TMEM141: variants seen among roughly 807,000 people sequenced by gnomAD.
TMEM141 encodes the protein transmembrane protein 141.
A neutral mutation model predicts 15.9 loss-of-function variants in TMEM141; 18 were observed. The observed-to-expected ratio is 1.13, with a 90% CI of 0.78 to 1.68. TMEM141 has a LOEUF of 1.68. Among genes scored for constraint, TMEM141 ranks in the 40% most tolerant of loss-of-function variants. The pLI is 0.00. For missense variants in TMEM141, 161 were observed against 139.5 expected (o/e 1.15, Z -0.78); for synonymous variants, 69 against 54.0 (o/e 1.28, Z -1.22).
In TMEM141 at chr9:136,791,766, CCTT is replaced by C. The variant is rs1226683280; in HGVS notation, c.112_114del (p.Phe38del). ...CACGCCTTCATGAAGGGCGTTTTCACCTTCGTCACAGGTAGGCTGCGTCCAGGT... is the reference window on the plus strand; with the variant it reads ...CACGCCTTCATGAAGGGCGTTTTCACCGTCACAGGTAGGCTGCGTCCAGGT... On this transcript the variant is annotated inframe_deletion, in exon 2 of 5. Coordinates refer to ENST00000290079, the MANE Select transcript of TMEM141 (RefSeq NM_032928.4). The C allele has an allele frequency of 1.2e-6, 2 of 1,613,584 alleles. No homozygotes were observed. Among genetic ancestry groups the C allele is most frequent in the Non-Finnish European group, 1.7e-6 (2 of 1,179,916 alleles).
At position 136,793,066 on chromosome 9, in the gene TMEM141, T is replaced by G; in HGVS notation, c.*234T>G. On this transcript the variant is annotated 3_prime_UTR_variant, in exon 5 of 5. Transcript: ENST00000290079. ...TCTCCCTGGGGTGGTGTTTCTCCTC[T>G]AGGGTATTGGGATGCATGTTCTGCA... The G allele has an allele frequency of 2.6e-6, 1 of 386,276 alleles. No homozygotes were observed. The allele number at this position is 386,276 out of a possible 1,614,324, so 23.9% of individuals were successfully genotyped here. A position where few individuals can be genotyped will look rare whatever the true frequency, so the allele number is the denominator to read the frequency against.
At chr9:136,792,442 T>C (rs2131120726) in intron 4 of TMEM141, 84 bp downstream of exon 4, 4 of 1,130,292 alleles carry the variant, frequency 3.5e-6, no homozygotes, top group Admixed American at 4.1e-5. Flanking sequence ...GGGTGCACCA[T>C]GCGATAGGCT....
chr9:136,792,820 T>C lies in TMEM141; in HGVS notation c.315T>C (p.Asp105=). Residue 105 remains aspartate (D), a splice_region_variant and synonymous_variant, in exon 5 of 5, where the codon GAT becomes GAC. Transcript: ENST00000290079. ...CTTGTCTCTCTTTGCCTTTTACAGA[T>C]CAGAGAAGCTAGGAGAGCTCCAGCA... ...TGQLPKDRST[D]QRS 1.3e-6 allele frequency: 2 copies of C among 1,568,688 alleles called. No individual in the cohort carries two copies. The highest frequency in any genetic ancestry group is 1.7e-6 in the Non-Finnish European group (2 of 1,156,252).
At chr9:136,792,786 T>A in intron 4 of TMEM141, 33 bp from the exon 5 acceptor site, 5 of 1,512,758 alleles carry the variant, frequency 3.3e-6, no homozygotes, top group Non-Finnish European at 4.5e-6. Flanking sequence ...ACGATGGATG[T>A]GGTTCGAGCT....
rs981590015 is a variant in TMEM141 at position 136,791,374 on chromosome 9, G to C, written c.4G>C (p.Val2Leu). Reference sequence around the variant, plus strand: ...CGCTCCCCGAGCCCTGCCAACCATGGTGAACTTGGGTCTGTCCCGGGTGGA... The same window carrying C: ...CGCTCCCCGAGCCCTGCCAACCATGCTGAACTTGGGTCTGTCCCGGGTGGA... The part of the protein sequence containing the change: M[V>L]NLGLSRVDDA... The change falls in exon 1 of 5, where the codon GTG becomes CTG. Residue 2 changes from valine (V) to leucine (L), a missense_variant. Val to Leu is a conservative substitution (Grantham distance 32). Transcript: ENST00000290079. The C allele has an allele frequency of 7.0e-6, 11 of 1,561,246 alleles. No homozygotes were observed. The highest frequency in any genetic ancestry group is 9.5e-6 in the Non-Finnish European group (11 of 1,153,130).
rs1284709536 is a variant in TMEM141 at position 136,793,089 on chromosome 9, G to A, written c.*257G>A. ...TCTAGGGTATTGGGATGCATGTTCT[G>A]CACTGCCAGCAGAGAGGGTGTGTCT... On this transcript the variant is annotated 3_prime_UTR_variant, in exon 5 of 5. Transcript: ENST00000290079. The A allele has an allele frequency of 1.6e-5, 5 of 317,102 alleles. No homozygotes were observed. Among genetic ancestry groups the A allele is most frequent in the Non-Finnish European group, 2.8e-5 (5 of 177,024 alleles). 19.6% of individuals were successfully genotyped at this position (317,102 alleles called of 1,614,324 possible). A position where few individuals can be genotyped will look rare whatever the true frequency, so the allele number is the denominator to read the frequency against.
chr9:136,792,355 A>G lies in TMEM141; in HGVS notation c.310A>G (p.Thr104Ala), dbSNP rs1218279183. 28 of 1,570,702 alleles carry G rather than the reference A, an allele frequency of 1.8e-5. No individual in the cohort carries two copies. The highest frequency in any genetic ancestry group is 2.2e-5 in the Non-Finnish European group (25 of 1,157,368). ...CGGGCAGCTCCCCAAAGACAGGAGCACAGGTGAGAGAGCCTGGGGGTTAGC... is the reference window on the plus strand; with the variant it reads ...CGGGCAGCTCCCCAAAGACAGGAGCGCAGGTGAGAGAGCCTGGGGGTTAGC... ...ETGQLPKDRS[T>A]DQRS Residue 104 changes from threonine (T) to alanine (A), a missense_variant, in exon 4 of 5, where the codon ACA becomes GCA. Coordinates refer to ENST00000290079, the MANE Select transcript of TMEM141 (RefSeq NM_032928.4).
rs544077032 is a variant in TMEM141, at chr9:136,791,869, C to G, written c.122-78C>G. 5.0e-6 allele frequency: 8 copies of G among 1,609,790 alleles called. No homozygotes were observed. In the African/African-American group the frequency reaches 1.1e-4, roughly 21 times the overall value. ...AGCAGGGGGCGCCAAGTCACCTGCC[C>G]GCAGGTGCTGGGGGCCTGGCAAGGT... On this transcript the variant is annotated intron_variant, in intron 2 of 4. Coordinates refer to ENST00000290079, the MANE Select transcript of TMEM141 (RefSeq NM_032928.4).
chr9:136,792,956 G>T lies in TMEM141; in HGVS notation c.*124G>T, dbSNP rs549450647. 1.7e-5 allele frequency: 22 copies of T among 1,275,556 alleles called. No individual in the cohort carries two copies. The highest frequency in any genetic ancestry group is 2.2e-5 in the Non-Finnish European group (22 of 994,224). 79.0% of individuals were successfully genotyped at this position (1,275,556 alleles called of 1,614,324 possible). The stretch of plus-strand genomic sequence containing the variant: ...GGTACCCCAGTCGTATCCTCTGTCC[G>T]CATGTGTGGCCAGGCCTGACAAACA... On this transcript the variant is annotated 3_prime_UTR_variant, in exon 5 of 5. Coordinates refer to ENST00000290079, the MANE Select transcript of TMEM141 (RefSeq NM_032928.4).
rs369915178 is a variant in TMEM141, at chr9:136,793,095, C to A, written c.*263C>A. 6 of 305,668 alleles carry A rather than the reference C, an allele frequency of 2.0e-5. No individual in the cohort carries two copies. The East Asian group carries it at 3.2e-4, about 16-fold the overall frequency. 18.9% of individuals were successfully genotyped at this position (305,668 alleles called of 1,614,324 possible). ...GTATTGGGATGCATGTTCTGCACTG[C>A]CAGCAGAGAGGGTGTGTCTGGGGGC... On this transcript the variant is annotated 3_prime_UTR_variant, in exon 5 of 5. Transcript: ENST00000290079.
rs1209436745 is a variant in TMEM141, at chr9:136,792,914, C to G, written c.*82C>G. 2.1e-6 allele frequency: 3 copies of G among 1,426,710 alleles called. No homozygotes were observed. The East Asian group carries it at 7.7e-5, about 37-fold the overall frequency. 88.4% of individuals were successfully genotyped at this position (1,426,710 alleles called of 1,614,324 possible). ...TTCATGCCCCCTGACCCCAGGCCGA[C>G]CCTCCCCACACCCTAGGGTACCCCA... On this transcript the variant is annotated 3_prime_UTR_variant, in exon 5 of 5. Transcript: ENST00000290079.
Position 136,791,734 on chromosome 9 carries a change from C to G in TMEM141, c.78C>G (p.Cys26Trp), listed in dbSNP as rs146663293. The G allele has an allele frequency of 5.0e-6, 8 of 1,613,464 alleles. No homozygotes were observed. Among genetic ancestry groups the G allele is most frequent in the Non-Finnish European group, 5.9e-6 (7 of 1,179,940 alleles). The change falls in exon 2 of 5, where the codon TGC becomes TGG. Residue 26 changes from cysteine (C) to tryptophan (W), a missense_variant. Cys to Trp is a radical substitution (Grantham distance 215). Coordinates refer to ENST00000290079, the MANE Select transcript of TMEM141 (RefSeq NM_032928.4). Reference sequence around the variant, plus strand: ...AGGGACTCGGGGAGTATGCCGCATGCCAGTCACACGCCTTCATGAAGGGCG... The same window carrying G: ...AGGGACTCGGGGAGTATGCCGCATGGCAGTCACACGCCTTCATGAAGGGCG... ...KHPGLGEYAA[C>W]QSHAFMKGVF...
At chr9:136,791,552 G>C in intron 1 of TMEM141, 128 bp downstream of exon 1, 1 of 1,558,248 alleles carries the variant, frequency 6.4e-7, no homozygotes, top group Non-Finnish European at 8.7e-7. Context: ...CTCTTGCTAA[G>C]GGGCTCAGGG....
At position 136,792,314 on chromosome 9, in the gene TMEM141, G is replaced by A; in HGVS notation, c.269G>A (p.Trp90Ter). ...GAGTCGGAGAAATGCAACAACCTCT[G>A]GCTCTTCCTGGAGACCGGGCAGCTC... ...RVESEKCNNL[W>*]LFLETGQLPK... Residue 90 changes from tryptophan (W) to a stop codon, truncating the protein, a stop_gained, in exon 4 of 5, where the codon TGG becomes TAG. Coordinates refer to ENST00000290079, the MANE Select transcript of TMEM141 (RefSeq NM_032928.4). LOFTEE classifies it high-confidence loss of function. The A allele has an allele frequency of 1.3e-6, 2 of 1,587,960 alleles. No homozygotes were observed. Among genetic ancestry groups the A allele is most frequent in the Non-Finnish European group, 8.6e-7 (1 of 1,166,760 alleles).
rs534874139 is a variant in TMEM141, at chr9:136,793,127, C to T, written c.*295C>T. On this transcript the variant is annotated 3_prime_UTR_variant, in exon 5 of 5. Transcript: ENST00000290079. ...AGAGGGTGTGTCTGGGGGCCACCAC[C>T]TATGGGACACGGGGTCGAAGGGGCC... 1 of 257,428 alleles carries T rather than the reference C, an allele frequency of 3.9e-6. No individual in the cohort carries two copies. Among genetic ancestry groups the T allele is most frequent in the African/African-American group, 2.2e-5 (1 of 44,860 alleles). 15.9% of individuals were successfully genotyped at this position (257,428 alleles called of 1,614,324 possible). A position where few individuals can be genotyped will look rare whatever the true frequency, so the allele number is the denominator to read the frequency against.
rs1847597606 is a variant in TMEM141, at chr9:136,792,133, C to G, written c.205+103C>G. The G allele has an allele frequency of 5.2e-6, 8 of 1,537,628 alleles. No individual in the cohort carries two copies. The South Asian group carries it at 9.2e-5, about 18-fold the overall frequency. ...CTGACTCTGACATGGAGCCCCAGGTCTCGGCGGGAGCCCCACCTGAGCCCA... is the reference window on the plus strand; with the variant it reads ...CTGACTCTGACATGGAGCCCCAGGTGTCGGCGGGAGCCCCACCTGAGCCCA... On this transcript the variant is annotated intron_variant, in intron 3 of 4. Transcript: ENST00000290079.
chr9:136,793,000 CCCAA>C lies in TMEM141; in HGVS notation c.*171_*174del, dbSNP rs200304774. On this transcript the variant is annotated 3_prime_UTR_variant, in exon 5 of 5. Coordinates refer to ENST00000290079, the MANE Select transcript of TMEM141 (RefSeq NM_032928.4). ...ACAAACACCTGCAGATGGCTGCTGC[CCCAA>C]CCTGGGACCTGCCCAGGAGGTTGGA... 1 of 924,374 alleles carries C rather than the reference CCCAA, an allele frequency of 1.1e-6. No homozygotes were observed. Among genetic ancestry groups the C allele is most frequent in the Non-Finnish European group, 1.4e-6 (1 of 719,528 alleles). The allele number at this position is 924,374 out of a possible 1,614,324, so 57.3% of individuals were successfully genotyped here.
In TMEM141 at chr9:136,792,362, A is replaced by G. The variant is rs1485430572; in HGVS notation, c.313+4A>G. The G allele has an allele frequency of 6.4e-7, 1 of 1,565,846 alleles. No individual in the cohort carries two copies. Among genetic ancestry groups the G allele is most frequent in the Non-Finnish European group, 8.7e-7 (1 of 1,154,642 alleles). On this transcript the variant is annotated splice_donor_region_variant and intron_variant, in intron 4 of 4. Transcript: ENST00000290079. ...CTCCCCAAAGACAGGAGCACAGGTG[A>G]GAGAGCCTGGGGGTTAGCGAGAAGT... is the stretch of plus-strand genomic sequence containing the variant.
chr9:136,791,515 G>A, intron 1 of TMEM141, 91 bp downstream of exon 1: 1 of 1,546,772 alleles, frequency 6.5e-7, no homozygotes, highest in South Asian at 1.2e-5. Context: ...CCCTCGTCAG[G>A]GAAGAGTGGC....
Sources: gnomAD v4.1 joint callset for allele counts on GRCh38, gnomAD v4.1.1 for gene constraint, MANE v1.5 for transcripts, NCBI Gene and HGNC (gene_info 2026-07-23, HGNC 2026-07-21) for gene names.